The following NTNG1 variants were observed in gnomAD, a reference collection of about 807,000 sequenced individuals.
The protein encoded by NTNG1 is netrin-G1.
In NTNG1, 16 loss-of-function variants were observed where a neutral mutation model predicts 54.0. The ratio of observed to expected loss-of-function variants is 0.30; its 90% CI spans 0.20 to 0.45. The LOEUF (loss-of-function observed/expected upper bound fraction) is 0.45. Among genes scored for constraint, NTNG1 ranks in the 20% least tolerant of loss-of-function variants. The probability of loss-of-function intolerance (pLI) is 1.00; values close to 1 mark genes in which losing one functional copy is unlikely to be tolerated. For synonymous variants in NTNG1, 255 were observed against 263.1 expected, an observed-to-expected ratio of 0.97 and a Z score of 0.30; for missense variants, 530 against 678.7, an observed-to-expected ratio of 0.78 and a Z score of 2.43.
intron 3 of NTNG1, among the ~76,000 whole-genome samples, chr1:107,366,061 C>G (rs188089557): frequency 2.6e-5 from 4 of 152,146 alleles, no homozygotes; most frequent in Admixed American, 2.6e-4. Context: ...TAGCAGTTGA[C>G]GCAGATCTGT....
chr1:107,382,846 G>A (rs1485382097), intron 3 of NTNG1, among the ~76,000 whole-genome samples: 1 of 149,694 alleles, frequency 6.7e-6, no homozygotes, highest in African/African-American at 2.5e-5. Flanking sequence ...ATTAACAAAA[G>A]TAGGCCACCA....
intron 2 of NTNG1, among the ~76,000 whole-genome samples, chr1:107,292,526 A>G (rs2493992): frequency 0.78 from 118,542 of 152,030 alleles, 46,635 homozygotes; most frequent in East Asian, 0.91. Context: ...CAGCACCAGG[A>G]AAAGGCAGTC....
chr1:107,307,821 C>T (rs1275299786), intron 2 of NTNG1, among the ~76,000 whole-genome samples: 2 of 152,130 alleles, frequency 1.3e-5, no homozygotes, highest in African/African-American at 2.4e-5. Context: ...CTCACTTCTA[C>T]GTAAGCTGTT....
chr1:107,221,615 T>C (rs569542816), intron 2 of NTNG1, among the ~76,000 whole-genome samples: 1 of 152,186 alleles, frequency 6.6e-6, no homozygotes, highest in Non-Finnish European at 1.5e-5. Flanking sequence ...GTATAATTTC[T>C]TTGGTTAGAA....
At chr1:107,285,153 C>T (rs1359723096) in intron 2 of NTNG1, among the ~76,000 whole-genome samples, 1 of 152,112 alleles carries the variant, frequency 6.6e-6, no homozygotes, top group East Asian at 1.9e-4. Flanking sequence ...GCACAACTAT[C>T]CAGAATAACA....
intron 7 of NTNG1, among the ~76,000 whole-genome samples, chr1:107,440,881 T>C (rs1675922459): frequency 6.6e-6 from 1 of 152,006 alleles, no homozygotes; most frequent in Non-Finnish European, 1.5e-5. Context: ...AATTAAAAGG[T>C]GAAACACTTC....
chr1:107,394,177 C>T (rs1387657962), intron 3 of NTNG1, among the ~76,000 whole-genome samples: 2 of 152,096 alleles, frequency 1.3e-5, no homozygotes, highest in South Asian at 4.1e-4. Flanking sequence ...TTATTCTGAC[C>T]TCTGGTTGTG....
chr1:107,267,178 G>A (rs1242226616), intron 2 of NTNG1, among the ~76,000 whole-genome samples: 2 of 152,168 alleles, frequency 1.3e-5, no homozygotes, highest in South Asian at 2.1e-4. Flanking sequence ...AAAAAGGGAT[G>A]GCAAGACCCA....
rs562275435 is a variant in NTNG1 at position 107,266,722 on chromosome 1, T to G, written c.247-57560T>G. On this transcript the variant is annotated intron_variant, in intron 2 of 7. Coordinates refer to ENST00000370068, the MANE Select transcript of NTNG1 (RefSeq NM_001113226.3). Reference sequence around the variant, plus strand: ...TTTCCTATTCATAGGAAGAGGAGAATAGCCACCAAGAAGAAGCAAAAGAAA... The same window carrying G: ...TTTCCTATTCATAGGAAGAGGAGAAGAGCCACCAAGAAGAAGCAAAAGAAA... 3.3e-5 allele frequency among the ~76,000 whole-genome samples: 5 copies of G among 151,470 alleles called. No homozygotes were observed. In the East Asian group the frequency reaches 9.8e-4, roughly 30 times the overall value.
At chr1:107,227,347 T>C (rs1660754425) in intron 2 of NTNG1, among the ~76,000 whole-genome samples, 1 of 152,164 alleles carries the variant, frequency 6.6e-6, no homozygotes, top group Non-Finnish European at 1.5e-5. Flanking sequence ...TCTTTCACTT[T>C]ATACTTGCAG....
chr1:107,249,769 C>T (rs1327783777), intron 2 of NTNG1, among the ~76,000 whole-genome samples: 1 of 152,186 alleles, frequency 6.6e-6, no homozygotes, highest in Non-Finnish European at 1.5e-5. Context: ...ATTTGCATGA[C>T]TACAAAGACC....
chr1:107,176,777 A>G (rs1656680771), intron 2 of NTNG1, among the ~76,000 whole-genome samples: 1 of 152,134 alleles, frequency 6.6e-6, no homozygotes, highest in Admixed American at 6.5e-5. Context: ...TATTTCACTC[A>G]TTCCTTTATG....
chr1:107,288,224 A>G (rs1251073757), intron 2 of NTNG1, among the ~76,000 whole-genome samples: 1 of 152,200 alleles, frequency 6.6e-6, no homozygotes, highest in African/African-American at 2.4e-5. Flanking sequence ...AAATGATTTC[A>G]AAAATGTGAA....
chr1:107,151,777 G>C (rs982882824), intron 2 of NTNG1, among the ~76,000 whole-genome samples: 2 of 151,996 alleles, frequency 1.3e-5, no homozygotes, highest in African/African-American at 2.4e-5. Flanking sequence ...TTTTAATATA[G>C]AGTAAAATTT....
At chr1:107,473,256 G>C (rs968943433) in intron 7 of NTNG1, among the ~76,000 whole-genome samples, 19 of 152,134 alleles carry the variant, frequency 1.2e-4, no homozygotes, top group Admixed American at 1.2e-3. Context: ...CATTGCTCAA[G>C]CATAGCAGCT....
At chr1:107,435,801 A>G (rs868630727) in intron 6 of NTNG1, among the ~76,000 whole-genome samples, 23 of 152,212 alleles carry the variant, frequency 1.5e-4, no homozygotes, top group Non-Finnish European at 2.9e-4. Context: ...ACTTTAGCTC[A>G]CAGTACCCAA....
At chr1:107,437,501 A>G (rs1334021148) in intron 7 of NTNG1, among the ~76,000 whole-genome samples, 2 of 152,062 alleles carry the variant, frequency 1.3e-5, no homozygotes, top group Non-Finnish European at 2.9e-5. Flanking sequence ...GTCTTTTATA[A>G]CCTTTTCTGC....
At chr1:107,301,479 C>T (rs1307972933) in intron 2 of NTNG1, among the ~76,000 whole-genome samples, 1 of 152,166 alleles carries the variant, frequency 6.6e-6, no homozygotes, top group African/African-American at 2.4e-5. Flanking sequence ...CTAATGTGTA[C>T]TTCATCAGTA....
chr1:107,346,338 A>C (rs1045910027), intron 3 of NTNG1, among the ~76,000 whole-genome samples: 2 of 152,120 alleles, frequency 1.3e-5, no homozygotes, highest in Admixed American at 1.3e-4. Flanking sequence ...CCATTCTGAT[A>C]CCCTTTAAGA....
Sources: allele counts gnomAD v4.1 joint callset (sites outside exome capture counted in the v4.1 genomes callset), GRCh38; gene constraint gnomAD v4.1.1; transcripts MANE v1.5; gene names NCBI Gene and HGNC (gene_info 2026-07-23, HGNC 2026-07-21).